BYSL: variants seen among roughly 807,000 people sequenced by gnomAD.
The protein encoded by BYSL is bystin.
Under a neutral mutation model 45.4 loss-of-function variants are expected in BYSL, and 21 were observed. The observed-to-expected ratio is 0.46, with a 90% CI of 0.33 to 0.67. The LOEUF (loss-of-function observed/expected upper bound fraction) is 0.67. BYSL is among the 30% of genes least tolerant of loss of function. BYSL has a pLI of 0.02. For missense variants in BYSL, 522 were observed against 578.5 expected, an observed-to-expected ratio of 0.90 and a Z score of 1.00; for synonymous variants, 215 against 231.3, an observed-to-expected ratio of 0.93 and a Z score of 0.64.
At chr6:41,929,289 G>C (rs1159841812) in intron 2 of BYSL, among the ~76,000 whole-genome samples, 1 of 152,188 alleles carries the variant, frequency 6.6e-6, no homozygotes, top group African/African-American at 2.4e-5. Context: ...CAGGAGCCCA[G>C]GAGTGTGAGA....
At chr6:41,909,391 A>G in the BYSL span, 4 of 1,614,150 alleles carry the variant, frequency 2.5e-6, no homozygotes, top group Non-Finnish European at 3.4e-6. Flanking sequence ...CTCTGGAAAA[A>G]GCCCTTGAGC....
At chr6:41,909,113 A>T in the BYSL span, 1 of 962,556 alleles carries the variant, frequency 1.0e-6, no homozygotes, top group Non-Finnish European at 1.5e-6. Context: ...GGTCGAGGCT[A>T]CAGTGTGCCA....
chr6:41,921,107 A>C, upstream of BYSL: 1 of 1,544,592 alleles, frequency 6.5e-7, no homozygotes, highest in Non-Finnish European at 8.8e-7. Context: ...TCCCCAACAC[A>C]ACCTTCTGTC....
At chr6:41,922,905 G>A (rs1775507988) in intron 1 of BYSL, among the ~76,000 whole-genome samples, 2 of 152,046 alleles carry the variant, frequency 1.3e-5, no homozygotes, top group African/African-American at 4.8e-5. Flanking sequence ...TCATTTGCTC[G>A]AGATAAACTT....
chr6:41,910,024 G>C, the BYSL span, among the ~76,000 whole-genome samples: 5 of 152,128 alleles, frequency 3.3e-5, no homozygotes, highest in Admixed American at 3.3e-4. Context: ...AAGCAGCAAA[G>C]GGGAGTGTCT....
At chr6:41,931,131 T>TAGCCAGAGGAAGGAGAGTA (rs762291093) in intron 4 of BYSL, among the ~76,000 whole-genome samples, 1 of 151,158 alleles carries the variant, frequency 6.6e-6, no homozygotes, top group Non-Finnish European at 1.5e-5. Context: ...ACTCAACTGA[T>TAGCCAGAGGAAGGAGAGTA]GCTGAGTAGC....
intron 1 of BYSL, among the ~76,000 whole-genome samples, chr6:41,922,913 C>G (rs1201622483): frequency 6.6e-6 from 1 of 152,104 alleles, no homozygotes; most frequent in Admixed American, 6.6e-5. Context: ...TCGAGATAAA[C>G]TTTAGACTCC....
At chr6:41,930,426 C>A in intron 3 of BYSL, 156 bp downstream of exon 3, 1 of 1,246,504 alleles carries the variant, frequency 8.0e-7, no homozygotes, top group Non-Finnish European at 1.1e-6. Context: ...CAGATTCCTG[C>A]TCTGCCTGTA....
At chr6:41,920,220 T>C (rs1327826107), upstream of BYSL, among the ~76,000 whole-genome samples, 1 of 152,140 alleles carries the variant, frequency 6.6e-6, no homozygotes, top group Non-Finnish European at 1.5e-5. Flanking sequence ...GGGAAACGGG[T>C]CCTAAAGAGA....
intron 1 of BYSL, among the ~76,000 whole-genome samples, chr6:41,926,242 C>T (rs968676931): frequency 6.6e-6 from 1 of 152,156 alleles, no homozygotes; most frequent in African/African-American, 2.4e-5. Flanking sequence ...CTCATTGTGG[C>T]ATATAATCAA....
At chr6:41,923,788 A>G (rs954414739) in intron 1 of BYSL, among the ~76,000 whole-genome samples, 2 of 152,028 alleles carry the variant, frequency 1.3e-5, no homozygotes, top group African/African-American at 2.4e-5. Context: ...AATGGTCTAC[A>G]ATGCACTATA....
chr6:41,930,792 G>T, intron 4 of BYSL, 24 bp downstream of exon 4: 2 of 1,604,616 alleles, frequency 1.2e-6, no homozygotes, highest in Non-Finnish European at 1.7e-6. Context: ...GGGTTCGGGG[G>T]CCTTGGGTTT....
At chr6:41,930,827 G>C in intron 4 of BYSL, 59 bp downstream of exon 4, 1 of 1,553,646 alleles carries the variant, frequency 6.4e-7, no homozygotes, top group Non-Finnish European at 8.7e-7. Context: ...AGTTTGGGAC[G>C]GACAGGCTTT....
chr6:41,912,274 C>T, the BYSL span, among the ~76,000 whole-genome samples: 1 of 142,870 alleles, frequency 7.0e-6, no homozygotes, highest in Non-Finnish European at 1.5e-5. Flanking sequence ...CTCCTAGGCT[C>T]AAGCAATCCT....
chr6:41,930,330 A>G (rs1426913714), intron 3 of BYSL, 60 bp downstream of exon 3: 2 of 1,555,148 alleles, frequency 1.3e-6, no homozygotes, highest in African/African-American at 2.9e-5. Flanking sequence ...GGCTCCTGCC[A>G]CAGGCTTTTT....
chr6:41,921,465 G>T (rs1230334090), upstream of BYSL: 1 of 1,448,518 alleles, frequency 6.9e-7, no homozygotes, highest in Admixed American at 2.7e-5. Flanking sequence ...TGTGATCGCC[G>T]GGCGGCCTCT....
chr6:41,927,844 T>C (rs1057477378), intron 2 of BYSL, among the ~76,000 whole-genome samples: 5 of 152,180 alleles, frequency 3.3e-5, no homozygotes, highest in African/African-American at 1.2e-4. Flanking sequence ...GTATTCTTAG[T>C]TTTTTTAGCG....
rs754194109 is a variant in BYSL, at chr6:41,932,482, T to C, written c.1090T>C (p.Phe364Leu). 5 of 1,614,210 alleles carry C rather than the reference T, an allele frequency of 3.1e-6. No homozygotes were observed. Among genetic ancestry groups the C allele is most frequent in the Non-Finnish European group, 3.4e-6 (4 of 1,180,044 alleles). ...YRVLDALVFHFLGFRTEKREL... is the reference protein window; with the variant it reads ...YRVLDALVFHLLGFRTEKREL... ...GGTGCTGGATGCCCTAGTCTTCCACTTCCTGGGGTTCCGGACAGAGAAGCG... is the reference window on the plus strand; with the variant it reads ...GGTGCTGGATGCCCTAGTCTTCCACCTCCTGGGGTTCCGGACAGAGAAGCG... The change falls in exon 7 of 7, where the codon TTC (phenylalanine) becomes CTC (leucine). Residue 364 changes from phenylalanine (F) to leucine (L), a missense_variant. Coordinates refer to ENST00000230340, the MANE Select transcript of BYSL (RefSeq NM_004053.4). The surrounding 1 kb of genome is among the most constrained non-coding windows in gnomAD (Gnocchi z 4.7).
At chr6:41,917,617 C>T (rs962288349), upstream of BYSL, 3 of 379,064 alleles carry the variant, frequency 7.9e-6, no homozygotes, top group African/African-American at 2.1e-5. Flanking sequence ...CGCACCAGGG[C>T]AATGAACTTC....
Sources: gnomAD v4.1 joint callset for allele counts (sites outside exome capture counted in the v4.1 genomes callset) on GRCh38, gnomAD v4.1.1 for gene constraint, Gnocchi (gnomAD v3.1) non-coding constraint, MANE v1.5 for transcripts, NCBI Gene and HGNC (gene_info 2026-07-23, HGNC 2026-07-21) for gene names.